PITPNC1: variants seen among roughly 807,000 people sequenced by gnomAD.
PITPNC1 encodes the protein cytoplasmic phosphatidylinositol transfer protein 1.
A neutral mutation model predicts 44.7 loss-of-function variants in PITPNC1; 18 were observed. The ratio of observed to expected loss-of-function variants is 0.40; its 90% CI spans 0.28 to 0.60. The LOEUF is 0.60. PITPNC1 is among the 20% of genes least tolerant of loss of function. The pLI, the probability that PITPNC1 is intolerant of heterozygous loss-of-function variation, is 0.39. For synonymous variants in PITPNC1, 141 were observed against 149.6 expected (o/e 0.94, Z 0.42); for missense variants, 290 against 418.4 (o/e 0.69, Z 2.68).
intron 2 of PITPNC1, among the ~76,000 whole-genome samples, chr17:67,549,565 G>A (rs2040730368): frequency 6.6e-6 from 1 of 152,090 alleles, no homozygotes; most frequent in African/African-American, 2.4e-5. Context: ...AAAAAGTCTC[G>A]ACTTGGATGG....
rs1337984741 is a variant in PITPNC1, at chr17:67,697,034, T to G, written c.*4146T>G. On this transcript the variant is annotated 3_prime_UTR_variant, in exon 9 of 9. Transcript: ENST00000581322. Reference sequence around the variant, plus strand: ...GTTTACATTCAAGCTGGGATCTTGATTGGTTAAATTAATCCACATACCACT... The same window carrying G: ...GTTTACATTCAAGCTGGGATCTTGAGTGGTTAAATTAATCCACATACCACT... The G allele has an allele frequency of 1.3e-5, 2 of 152,220 alleles. No individual in the cohort carries two copies. Among genetic ancestry groups the G allele is most frequent in the Non-Finnish European group, 2.9e-5 (2 of 68,044 alleles). 9.4% of individuals were successfully genotyped at this position (152,220 alleles called of 1,614,324 possible).
intron 1 of PITPNC1, among the ~76,000 whole-genome samples, chr17:67,497,306 G>C (rs905485318): frequency 4.0e-5 from 6 of 150,178 alleles, no homozygotes; most frequent in African/African-American, 1.5e-4. Flanking sequence ...TGCAACCTCC[G>C]ATTCCCCAGC....
chr17:67,426,608 G>C (rs2038769806), intron 1 of PITPNC1, among the ~76,000 whole-genome samples: 1 of 151,756 alleles, frequency 6.6e-6, no homozygotes, highest in Non-Finnish European at 1.5e-5. Flanking sequence ...GGGCCTGTTG[G>C]AGGGTGGGGG....
At chr17:67,679,473 A>G (rs1354835770) in intron 8 of PITPNC1, among the ~76,000 whole-genome samples, 1 of 152,222 alleles carries the variant, frequency 6.6e-6, no homozygotes, top group African/African-American at 2.4e-5. Context: ...CACAAACTGT[A>G]CACACTGATG....
intron 1 of PITPNC1, among the ~76,000 whole-genome samples, chr17:67,463,074 A>G (rs988851112): frequency 1.2e-4 from 18 of 152,266 alleles, no homozygotes; most frequent in African/African-American, 4.3e-4. Context: ...TGCATATTAT[A>G]GACAAATACA....
At chr17:67,399,447 A>T (rs1383553047) in intron 1 of PITPNC1, among the ~76,000 whole-genome samples, 1 of 152,136 alleles carries the variant, frequency 6.6e-6, no homozygotes, top group Non-Finnish European at 1.5e-5. Context: ...TTCTTTAGCC[A>T]TTCCTGGGGG....
chr17:67,489,723 G>A (rs141135657), intron 1 of PITPNC1, among the ~76,000 whole-genome samples: 1 of 152,204 alleles, frequency 6.6e-6, no homozygotes, highest in Non-Finnish European at 1.5e-5. Context: ...GCTGTCTGTT[G>A]TCTTTTTGGT....
At chr17:67,408,098 G>T (rs1273392643) in intron 1 of PITPNC1, among the ~76,000 whole-genome samples, 1 of 150,158 alleles carries the variant, frequency 6.7e-6, no homozygotes, top group Non-Finnish European at 1.5e-5. Flanking sequence ...GGGATTACAG[G>T]CATGCACCGC....
At chr17:67,380,664 T>C (rs971652680) in intron 1 of PITPNC1, among the ~76,000 whole-genome samples, 2 of 152,170 alleles carry the variant, frequency 1.3e-5, no homozygotes, top group Non-Finnish European at 2.9e-5. Context: ...GATAGTAAAT[T>C]CCACAGTCTC....
intron 1 of PITPNC1, chr17:67,457,384 T>G (rs909261801): frequency 6.6e-6 from 1 of 152,196 alleles, no homozygotes; most frequent in African/African-American, 2.4e-5. Flanking sequence ...TTGTTTTTTG[T>G]TTTTTGTTTT....
At chr17:67,466,527 G>C (rs560713471) in intron 1 of PITPNC1, among the ~76,000 whole-genome samples, 1 of 152,332 alleles carries the variant, frequency 6.6e-6, no homozygotes, top group South Asian at 2.1e-4. Context: ...ACAGCAAAGA[G>C]AAAGGGCCAG....
At position 67,399,008 on chromosome 17, in the gene PITPNC1, C is replaced by CTTTT. The variant is rs34059580; in HGVS notation, c.48+20827_48+20830dup. ...TCTCGTGTAGTTGTAAGAGGATCAG[C>CTTTT]TTTTTTTTTTTTTTTTTTTTTTTTG... On this transcript the variant is annotated intron_variant, in intron 1 of 8. Coordinates refer to ENST00000581322, the MANE Select transcript of PITPNC1 (RefSeq NM_012417.4). Among the ~76,000 whole-genome samples, 275 of 88,488 alleles carry CTTTT rather than the reference C, an allele frequency of 3.1e-3. 9 individuals carry two copies. The highest frequency in any genetic ancestry group is 5.5e-3 in the African/African-American group (109 of 19,864). 58.1% of individuals were successfully genotyped at this position (88,488 alleles called of 152,430 possible).
intron 2 of PITPNC1, among the ~76,000 whole-genome samples, chr17:67,541,469 A>ACG (rs1568033190): frequency 5.2e-4 from 1 of 1,934 alleles, no homozygotes. Flanking sequence ...AATTATACAT[A>ACG]CACACACACA....
intron 8 of PITPNC1, among the ~76,000 whole-genome samples, chr17:67,681,912 A>G (rs562684999): frequency 6.6e-6 from 1 of 152,172 alleles, no homozygotes; most frequent in South Asian, 2.1e-4. Flanking sequence ...TGGAATACAC[A>G]TGAGGCCAGG....
chr17:67,386,054 G>A (rs2038045165), intron 1 of PITPNC1, among the ~76,000 whole-genome samples: 2 of 152,158 alleles, frequency 1.3e-5, no homozygotes, highest in Admixed American at 1.3e-4. Context: ...GCTCTTGAAA[G>A]TCAATTTAGA....
intron 1 of PITPNC1, among the ~76,000 whole-genome samples, chr17:67,424,721 A>G (rs1008918931): frequency 2.0e-5 from 3 of 151,756 alleles, no homozygotes; most frequent in Non-Finnish European, 4.4e-5. Context: ...CAATTCATGC[A>G]GTCAATAAGT....
chr17:67,467,284 C>T (rs2039442479), intron 1 of PITPNC1, among the ~76,000 whole-genome samples: 2 of 152,096 alleles, frequency 1.3e-5, no homozygotes, highest in South Asian at 4.1e-4. Context: ...GAACTCCTGA[C>T]CTCAGGTGAT....
chr17:67,438,313 C>CTT (rs1245707226), intron 1 of PITPNC1, among the ~76,000 whole-genome samples: 59 of 130,420 alleles, frequency 4.5e-4, no homozygotes, highest in Non-Finnish European at 6.0e-4. Flanking sequence ...TTCTAAGTGA[C>CTT]TTTTTTTTTT....
At chr17:67,652,963 A>G (rs1567759994) in intron 6 of PITPNC1, among the ~76,000 whole-genome samples, 1 of 152,204 alleles carries the variant, frequency 6.6e-6, no homozygotes, top group Non-Finnish European at 1.5e-5. Flanking sequence ...ACCCTAATCC[A>G]GTATGATGGG....
Sources: allele counts gnomAD v4.1 joint callset (sites outside exome capture counted in the v4.1 genomes callset), GRCh38; gene constraint gnomAD v4.1.1; transcripts MANE v1.5; gene names NCBI Gene and HGNC (gene_info 2026-07-23, HGNC 2026-07-21).